Variants in NXPH1 observed in about 807,000 individuals in gnomAD.
NXPH1 encodes neurexophilin-1.
NXPH1 carries 5 observed loss-of-function variants against 23.7 expected under a neutral mutation model. The observed-to-expected ratio is 0.21, with a 90% CI of 0.11 to 0.44. The LOEUF (loss-of-function observed/expected upper bound fraction) is 0.44, where lower values mean the gene tolerates loss of function less well. Ranked by LOEUF, NXPH1 falls within the 20% of genes least tolerant of loss-of-function variation. NXPH1 has a pLI of 0.99. For missense variants in NXPH1, 324 were observed against 321.6 expected (o/e 1.01, Z -0.06); for synonymous variants, 144 against 122.2 (o/e 1.18, Z -1.18).
intron 2 of NXPH1, among the ~76,000 whole-genome samples, chr7:8,508,091 T>C (rs1368507446): frequency 6.6e-6 from 1 of 152,122 alleles, no homozygotes; most frequent in Non-Finnish European, 1.5e-5. Flanking sequence ...GTTCTCAGTA[T>C]ATCACTGTCA....
intron 2 of NXPH1, among the ~76,000 whole-genome samples, chr7:8,630,937 C>A (rs28417968): frequency 3.9e-5 from 6 of 151,988 alleles, no homozygotes; most frequent in Non-Finnish European, 7.4e-5. Context: ...ACCCTCCACC[C>A]TCTGAAAGGC....
At chr7:8,556,262 C>G (rs189829180) in intron 2 of NXPH1, among the ~76,000 whole-genome samples, 1 of 151,620 alleles carries the variant, frequency 6.6e-6, no homozygotes, top group Non-Finnish European at 1.5e-5. Context: ...CAAACTATCC[C>G]CAAATTTGGT....
At chr7:8,732,228 T>G (rs1780170407) in intron 2 of NXPH1, among the ~76,000 whole-genome samples, 1 of 152,180 alleles carries the variant, frequency 6.6e-6, no homozygotes, top group Non-Finnish European at 1.5e-5. Context: ...CCCACTGACT[T>G]GCGCCCAGTG....
chr7:8,720,117 A>G (rs1017128691), intron 2 of NXPH1, among the ~76,000 whole-genome samples: 2 of 149,512 alleles, frequency 1.3e-5, no homozygotes, highest in African/African-American at 5.0e-5. Flanking sequence ...TTTAACTTGA[A>G]GTTCAAGGAT....
chr7:8,618,883 C>T (rs543757725), intron 2 of NXPH1, among the ~76,000 whole-genome samples: 10 of 152,234 alleles, frequency 6.6e-5, no homozygotes, highest in African/African-American at 2.4e-4. Flanking sequence ...ATGTGTGCTG[C>T]AATTGAAGTT....
chr7:8,715,734 G>A (rs1003827727), intron 2 of NXPH1, among the ~76,000 whole-genome samples: 1 of 152,106 alleles, frequency 6.6e-6, no homozygotes, highest in African/African-American at 2.4e-5. Flanking sequence ...TCCAGGTGAG[G>A]GAAATGGCAG....
chr7:8,710,649 T>TAACACAAGGA (rs1779776121), intron 2 of NXPH1, among the ~76,000 whole-genome samples: 1 of 93,682 alleles, frequency 1.1e-5, no homozygotes, highest in African/African-American at 6.8e-5. Flanking sequence ...CGTTTTTTGT[T>TAACACAAGGA]TTTTTTTTTT....
intron 2 of NXPH1, among the ~76,000 whole-genome samples, chr7:8,616,554 T>C (rs149094628): frequency 3.1e-3 from 477 of 152,192 alleles, no homozygotes; most frequent in African/African-American, 0.011. Flanking sequence ...GGAACTCATT[T>C]AATATTTGAG....
chr7:8,638,543 G>T (rs1159239000), intron 2 of NXPH1, among the ~76,000 whole-genome samples: 2 of 152,196 alleles, frequency 1.3e-5, no homozygotes, highest in African/African-American at 4.8e-5. Flanking sequence ...TGGTGAGAAC[G>T]AAGGAATGCC....
intron 2 of NXPH1, among the ~76,000 whole-genome samples, chr7:8,609,414 A>C (rs1438045710): frequency 6.6e-6 from 1 of 152,194 alleles, no homozygotes; most frequent in Non-Finnish European, 1.5e-5. Context: ...ATGAAGAGAA[A>C]CCCAAGACTT....
intron 2 of NXPH1, among the ~76,000 whole-genome samples, chr7:8,705,498 T>C (rs1779688362): frequency 6.6e-6 from 1 of 152,176 alleles, no homozygotes; most frequent in Non-Finnish European, 1.5e-5. Flanking sequence ...GCTTGAAATA[T>C]GCAGGGGTGG....
intron 2 of NXPH1, among the ~76,000 whole-genome samples, chr7:8,448,067 C>T (rs575978681): frequency 6.6e-6 from 1 of 152,206 alleles, no homozygotes; most frequent in Non-Finnish European, 1.5e-5. Context: ...TTAAGGGAAG[C>T]AGCATTGTGA....
At chr7:8,659,843 C>T (rs1224605825) in intron 2 of NXPH1, among the ~76,000 whole-genome samples, 1 of 152,156 alleles carries the variant, frequency 6.6e-6, no homozygotes, top group African/African-American at 2.4e-5. Context: ...TGCACTTAGT[C>T]ACCTGAGGGT....
At chr7:8,652,468 T>C (rs776766510) in intron 2 of NXPH1, among the ~76,000 whole-genome samples, 3 of 152,168 alleles carry the variant, frequency 2.0e-5, no homozygotes, top group Admixed American at 1.3e-4. Flanking sequence ...CTACAACTTA[T>C]ATTTTGTATA....
At chr7:8,588,442 G>C (rs1004147825) in intron 2 of NXPH1, among the ~76,000 whole-genome samples, 11 of 148,004 alleles carry the variant, frequency 7.4e-5, no homozygotes, top group African/African-American at 2.8e-4. Flanking sequence ...AGGGAAAGTT[G>C]TGTCCCAGGA....
chr7:8,728,656 T>C (rs1583249310), intron 2 of NXPH1, among the ~76,000 whole-genome samples: 2 of 151,440 alleles, frequency 1.3e-5, no homozygotes, highest in African/African-American at 4.8e-5. Context: ...GATTTGCGTA[T>C]ATTGAACCAG....
At chr7:8,655,515 C>T (rs967297838) in intron 2 of NXPH1, among the ~76,000 whole-genome samples, 6 of 151,084 alleles carry the variant, frequency 4.0e-5, no homozygotes, top group African/African-American at 9.7e-5. Flanking sequence ...CACACACACA[C>T]GCACACATGC....
rs748848772 is a variant in NXPH1, at chr7:8,461,836, C to CAAAAAAAAAAAAA, written c.54+26072_54+26084dup. ...TGGGCGACAGAGCGAGACTCCGTCT[C>CAAAAAAAAAAAAA]AAAAAAAAAAAAAAAGAATAAACAC... On this transcript the variant is annotated intron_variant, in intron 2 of 2. Transcript: ENST00000405863. Among the ~76,000 whole-genome samples the CAAAAAAAAAAAAA allele has an allele frequency of 1.1e-3, 45 of 41,734 alleles. 1 individual carries two copies. The highest frequency in any genetic ancestry group is 2.2e-3 in the African/African-American group (26 of 11,608). 27.4% of individuals were successfully genotyped at this position (41,734 alleles called of 152,430 possible).
chr7:8,648,338 C>G (rs1485421807), intron 2 of NXPH1, among the ~76,000 whole-genome samples: 1 of 152,150 alleles, frequency 6.6e-6, no homozygotes, highest in Non-Finnish European at 1.5e-5. Context: ...CCTCTGGAAA[C>G]CATCCTTCTA....
Sources: gnomAD v4.1 joint callset for allele counts (sites outside exome capture counted in the v4.1 genomes callset) on GRCh38, gnomAD v4.1.1 for gene constraint, MANE v1.5 for transcripts, NCBI Gene and HGNC (gene_info 2026-07-23, HGNC 2026-07-21) for gene names.